The following ALCAM variants were observed in gnomAD, a reference collection of about 807,000 sequenced individuals.
ALCAM encodes activated leukocyte cell adhesion molecule.
In ALCAM, 30 loss-of-function variants were observed where a neutral mutation model predicts 70.9. The observed-to-expected ratio is 0.42, with a 90% confidence interval of 0.32 to 0.57. The LOEUF is 0.57. ALCAM is among the 20% of genes least tolerant of loss of function. The probability of loss-of-function intolerance (pLI) is 0.11; values close to 1 mark genes in which losing one functional copy is unlikely to be tolerated. For synonymous variants in ALCAM, 249 were observed against 242.5 expected, an observed-to-expected ratio of 1.03 and a Z score of -0.25; for missense variants, 591 against 695.1, an observed-to-expected ratio of 0.85 and a Z score of 1.68.
chr3:105,433,204 G>A (rs1010254169), intron 1 of ALCAM, among the ~76,000 whole-genome samples: 4 of 152,024 alleles, frequency 2.6e-5, no homozygotes, highest in African/African-American at 9.7e-5. Context: ...CACCATTCTA[G>A]GTGCCCAAAT....
chr3:105,479,924 C>A (rs1938223791), intron 1 of ALCAM, among the ~76,000 whole-genome samples: 1 of 152,062 alleles, frequency 6.6e-6, no homozygotes, highest in South Asian at 2.1e-4. Flanking sequence ...TCTACCACTC[C>A]CTACACACAA....
chr3:105,427,845 A>G (rs760126161), intron 1 of ALCAM, among the ~76,000 whole-genome samples: 5 of 151,922 alleles, frequency 3.3e-5, no homozygotes, highest in Non-Finnish European at 7.4e-5. Flanking sequence ...ATATGCACAA[A>G]GTTCTTACCA....
chr3:105,490,382 AT>A (rs1408653009), intron 1 of ALCAM, among the ~76,000 whole-genome samples: 1 of 152,212 alleles, frequency 6.6e-6, no homozygotes, highest in Non-Finnish European at 1.5e-5. Flanking sequence ...ATCTGTTCAG[AT>A]TTCCTTTGTA....
intron 12 of ALCAM, among the ~76,000 whole-genome samples, chr3:105,551,021 C>A (rs1035924597): frequency 2.6e-5 from 4 of 151,540 alleles, no homozygotes; most frequent in Admixed American, 6.6e-5. Flanking sequence ...CAGTTCTGGA[C>A]AGGATGCTAA....
intron 1 of ALCAM, among the ~76,000 whole-genome samples, chr3:105,478,900 G>A (rs4894928): frequency 0.29 from 43,327 of 151,746 alleles, 6,610 homozygotes; most frequent in Admixed American, 0.46. Context: ...CCTCAGATTG[G>A]TTTGGTTTTT....
chr3:105,367,255 A>C lies in ALCAM; in HGVS notation c.-154A>C, dbSNP rs1935082319. 2 of 670,322 alleles carry C rather than the reference A, an allele frequency of 3.0e-6. No individual in the cohort carries two copies. Among genetic ancestry groups the C allele is most frequent in the South Asian group, 3.8e-5 (2 of 52,968 alleles). 41.5% of individuals were successfully genotyped at this position (670,322 alleles called of 1,614,324 possible). The stretch of plus-strand genomic sequence containing the variant: ...AAAGTTGCGTGCGGCAGAGAACCGA[A>C]GGTGCAGCGCCACAGCCCAGGGGAC... On this transcript the variant is annotated 5_prime_UTR_variant, in exon 1 of 16. Coordinates refer to ENST00000306107, the MANE Select transcript of ALCAM (RefSeq NM_001627.4).
intron 14 of ALCAM, among the ~76,000 whole-genome samples, chr3:105,564,189 ATAGT>A (rs903273481): frequency 5.3e-5 from 8 of 152,130 alleles, no homozygotes; most frequent in Non-Finnish European, 1.2e-4. Flanking sequence ...AAGGTGAATC[ATAGT>A]TTGTTTAAAT....
intron 2 of ALCAM, among the ~76,000 whole-genome samples, chr3:105,523,300 G>A (rs983882223): frequency 2.9e-4 from 44 of 152,206 alleles, no homozygotes; most frequent in African/African-American, 9.4e-4. Flanking sequence ...CTTAAGAAGA[G>A]GATTTGCGTT....
At chr3:105,409,495 G>A (rs570234800) in intron 1 of ALCAM, among the ~76,000 whole-genome samples, 3 of 152,190 alleles carry the variant, frequency 2.0e-5, no homozygotes, top group African/African-American at 7.2e-5. Flanking sequence ...TCATATGTGG[G>A]AGCTAAGCTA....
At chr3:105,561,967 T>C (rs920560062) in intron 14 of ALCAM, among the ~76,000 whole-genome samples, 1 of 152,182 alleles carries the variant, frequency 6.6e-6, no homozygotes, top group Non-Finnish European at 1.5e-5. Flanking sequence ...CTAGGCATTA[T>C]GACATAGGCA....
rs149414434 is a variant in ALCAM, at chr3:105,444,730, A to G, written c.74-75337A>G. ...AATAATACTATTTTAGTTTGTGTAAAACTTTAAAGAGTATTCATGCTCTTC... is the reference window on the plus strand; with the variant it reads ...AATAATACTATTTTAGTTTGTGTAAGACTTTAAAGAGTATTCATGCTCTTC... On this transcript the variant is annotated intron_variant, in intron 1 of 15. Transcript: ENST00000306107. 5.5e-3 allele frequency among the ~76,000 whole-genome samples: 844 copies of G among 152,304 alleles called. 3 individuals carry two copies. Among genetic ancestry groups the G allele is most frequent in the Middle Eastern group, 0.041 (12 of 294 alleles).
chr3:105,421,917 G>T lies in ALCAM; in HGVS notation c.73+54436G>T, dbSNP rs531499462. Among the ~76,000 whole-genome samples the T allele has an allele frequency of 2.0e-5, 3 of 151,206 alleles. No individual in the cohort carries two copies. In the South Asian group the frequency reaches 6.2e-4, roughly 31 times the overall value. On this transcript the variant is annotated intron_variant, in intron 1 of 15. Transcript: ENST00000306107. Reference sequence around the variant, plus strand: ...TGGGTGAGTTACATAGGTGAATTCTGAGATTTTAGTGAACCAGTCAGCCAA... The same window carrying T: ...TGGGTGAGTTACATAGGTGAATTCTTAGATTTTAGTGAACCAGTCAGCCAA...
At chr3:105,450,900 A>G (rs1460184400) in intron 1 of ALCAM, among the ~76,000 whole-genome samples, 1 of 152,146 alleles carries the variant, frequency 6.6e-6, no homozygotes, top group Non-Finnish European at 1.5e-5. Flanking sequence ...AAAAAATACT[A>G]TTTAAACTTC....
In ALCAM at chr3:105,575,108, CACACAT is replaced by C. The variant is rs1335274561; in HGVS notation, c.*661_*666del. ...GAAATAAATCACAGATGCATATAGA[CACACAT>C]ACATAATGGTACTCCCAAACTGACA... On this transcript the variant is annotated 3_prime_UTR_variant, in exon 16 of 16. Transcript: ENST00000306107. The C allele has an allele frequency of 6.6e-6, 1 of 152,588 alleles. No individual in the cohort carries two copies. Among genetic ancestry groups the C allele is most frequent in the Non-Finnish European group, 1.5e-5 (1 of 68,026 alleles). 9.5% of individuals were successfully genotyped at this position (152,588 alleles called of 1,614,324 possible).
Position 105,532,059 on chromosome 3 carries a change from TA to T in ALCAM, c.458del (p.Lys153SerfsTer34), listed in dbSNP as rs1576225585. The T allele has an allele frequency of 1.2e-6, 2 of 1,612,950 alleles. No homozygotes were observed. The highest frequency in any genetic ancestry group is 8.5e-7 in the Non-Finnish European group (1 of 1,179,342). On this transcript the variant is annotated frameshift_variant, in exon 4 of 16. Transcript: ENST00000306107. LOFTEE classifies it high-confidence loss of function. ...GCACTGTTTCTCGAAACAGAGCAGC[TA>T]AAAAAGGTAAGAATTGTTTTTGATT... ...SKALFLETEQ[L>X]KKLGDCISED...
intron 1 of ALCAM, among the ~76,000 whole-genome samples, chr3:105,423,318 A>G (rs1422243650): frequency 6.6e-6 from 1 of 151,410 alleles, no homozygotes; most frequent in Non-Finnish European, 1.5e-5. Flanking sequence ...AATGACTGTT[A>G]TCATGTCTAT....
At chr3:105,429,763 A>G (rs1379004046) in intron 1 of ALCAM, among the ~76,000 whole-genome samples, 2 of 152,030 alleles carry the variant, frequency 1.3e-5, no homozygotes, top group Non-Finnish European at 2.9e-5. Flanking sequence ...GCATTTTAGA[A>G]TTAAAATGAA....
intron 1 of ALCAM, among the ~76,000 whole-genome samples, chr3:105,501,173 TATC>T (rs1383925967): frequency 1.3e-5 from 2 of 152,174 alleles, no homozygotes; most frequent in East Asian, 3.8e-4. Flanking sequence ...TGCGGGCTGT[TATC>T]ATTAGCGAGA....
At chr3:105,553,442 A>C (rs890894752) in intron 14 of ALCAM, among the ~76,000 whole-genome samples, 2 of 151,846 alleles carry the variant, frequency 1.3e-5, no homozygotes, top group African/African-American at 4.8e-5. Context: ...TAAATGTGTA[A>C]ATTAAGTTTT....
Sources: gnomAD v4.1 joint callset for allele counts (sites outside exome capture counted in the v4.1 genomes callset) on GRCh38, gnomAD v4.1.1 for gene constraint, MANE v1.5 for transcripts, NCBI Gene and HGNC (gene_info 2026-07-23, HGNC 2026-07-21) for gene names.